The following ATRN variants were observed in gnomAD, a reference collection of about 807,000 sequenced individuals.
ATRN encodes attractin-2.
Under a neutral mutation model 178.7 loss-of-function variants are expected in ATRN, and 54 were observed. That is an observed-to-expected ratio of 0.30 (90% CI 0.24 to 0.38). The LOEUF is 0.38. Among genes scored for constraint, ATRN ranks in the 10% least tolerant of loss-of-function variants. ATRN has a pLI of 1.00. For synonymous variants in ATRN, 636 were observed against 663.0 expected (o/e 0.96, Z 0.63); for missense variants, 1,443 against 1,815.1 (o/e 0.79, Z 3.73).
In ATRN at chr20:3,560,897, A is replaced by G. The variant is rs746108163; in HGVS notation, c.1439A>G (p.Tyr480Cys). The G allele has an allele frequency of 1.2e-5, 20 of 1,613,722 alleles. No homozygotes were observed. Among genetic ancestry groups the G allele is most frequent in the Non-Finnish European group, 1.6e-5 (19 of 1,179,874 alleles). ...LYGYISNVQE[Y>C]DLDKNTWSIL... ...GGATATATAAGCAATGTGCAGGAATATGATTTGGGTAGGTATATTTTTTCC... is the reference window on the plus strand; with the variant it reads ...GGATATATAAGCAATGTGCAGGAATGTGATTTGGGTAGGTATATTTTTTCC... The change falls in exon 8 of 29, where the codon TAT becomes TGT. Residue 480 changes from tyrosine to cysteine, a missense_variant. By Grantham distance (194) the Tyr-to-Cys change is radical. Around this residue, in one of 4 missense-constraint regions of ATRN, gnomAD observed 862 missense variants for 972.1 expected, o/e 0.89. Transcript: ENST00000262919.
intron 6 of ATRN, among the ~76,000 whole-genome samples, chr20:3,554,582 C>T (rs1291425831): frequency 6.6e-6 from 1 of 152,030 alleles, no homozygotes; most frequent in African/African-American, 2.4e-5. Flanking sequence ...GATCTGCCCG[C>T]CTCGGCCTCC....
At chr20:3,481,611 G>T (rs980321005) in intron 1 of ATRN, among the ~76,000 whole-genome samples, 1 of 152,138 alleles carries the variant, frequency 6.6e-6, no homozygotes, top group African/African-American at 2.4e-5. Context: ...CTGCCAAAGT[G>T]CTGGGATTAC....
intron 2 of ATRN, among the ~76,000 whole-genome samples, chr20:3,539,402 A>T (rs2085586516): frequency 6.6e-6 from 1 of 152,204 alleles, no homozygotes; most frequent in African/African-American, 2.4e-5. Flanking sequence ...AAAATATGTG[A>T]TACTTAAGCA....
intron 24 of ATRN, among the ~76,000 whole-genome samples, chr20:3,611,068 A>G (rs999300244): frequency 2.0e-5 from 3 of 152,212 alleles, no homozygotes; most frequent in Admixed American, 6.5e-5. Flanking sequence ...AATGTAAAAC[A>G]TAAAACTATA....
At position 3,519,006 on chromosome 20, in the gene ATRN, T is replaced by TATAA. The variant is rs770584938; in HGVS notation, c.411-16246_411-16245insTAAA. Reference sequence around the variant, plus strand: ...GTGCTTCAATAAACATCCTTATATATAAAAAAAAAAAAAAGAAAGAAAACT... The same window carrying TATAA: ...GTGCTTCAATAAACATCCTTATATATATAAAAAAAAAAAAAAAAGAAAGAAAACT... On this transcript the variant is annotated intron_variant, in intron 1 of 28. Coordinates refer to ENST00000262919, the MANE Select transcript of ATRN (RefSeq NM_139321.3). Among the ~76,000 whole-genome samples, 415 of 119,484 alleles carry TATAA rather than the reference T, an allele frequency of 3.5e-3. 9 individuals carry two copies. The highest frequency in any genetic ancestry group is 0.013 in the African/African-American group (381 of 29,742). 78.4% of individuals were successfully genotyped at this position (119,484 alleles called of 152,430 possible).
intron 8 of ATRN, 140 bp downstream of exon 8, chr20:3,561,045 G>A (rs1267822088): frequency 2.6e-6 from 3 of 1,150,518 alleles, no homozygotes; most frequent in East Asian, 2.4e-5. Context: ...CTGGGCCCAG[G>A]CGTGGTGGCC....
At chr20:3,540,413 G>T in intron 3 of ATRN, 78 bp downstream of exon 3, 2 of 891,874 alleles carry the variant, frequency 2.2e-6, no homozygotes, top group South Asian at 1.6e-5. Context: ...CATTCTTACT[G>T]GGTTCACCTT....
chr20:3,545,454 A>G (rs780586054), intron 3 of ATRN, among the ~76,000 whole-genome samples: 3 of 151,820 alleles, frequency 2.0e-5, no homozygotes, highest in Non-Finnish European at 4.4e-5. Context: ...ACTTTATGTG[A>G]TTGTGGAGGT....
chr20:3,509,522 G>A (rs1220462603), intron 1 of ATRN, among the ~76,000 whole-genome samples: 1 of 146,198 alleles, frequency 6.8e-6, no homozygotes, highest in Non-Finnish European at 1.5e-5. Context: ...TTGGAGACAG[G>A]AGTCTTGCTC....
intron 28 of ATRN, among the ~76,000 whole-genome samples, chr20:3,646,298 G>A (rs968205738): frequency 6.6e-6 from 1 of 152,142 alleles, no homozygotes; most frequent in Non-Finnish European, 1.5e-5. Context: ...CTGTTTCTCG[G>A]CTCCTTTTGG....
chr20:3,577,072 A>C, intron 14 of ATRN, 75 bp downstream of exon 14: 1 of 1,548,618 alleles, frequency 6.5e-7, no homozygotes, highest in Non-Finnish European at 8.7e-7. Flanking sequence ...TGTGCAGCCT[A>C]AGTTGAACCT....
At chr20:3,507,669 A>G (rs530159821) in intron 1 of ATRN, among the ~76,000 whole-genome samples, 2 of 151,976 alleles carry the variant, frequency 1.3e-5, no homozygotes, top group East Asian at 3.9e-4. Context: ...CATTTTTGCT[A>G]ACAACCAAAG....
chr20:3,617,976 G>T (rs896588126), intron 24 of ATRN, among the ~76,000 whole-genome samples: 2 of 152,168 alleles, frequency 1.3e-5, no homozygotes, highest in African/African-American at 2.4e-5. Context: ...CAAGCCTCCT[G>T]CCTTCACCCC....
intron 25 of ATRN, among the ~76,000 whole-genome samples, chr20:3,626,238 A>G (rs1568772275): frequency 6.6e-6 from 1 of 151,820 alleles, no homozygotes; most frequent in Non-Finnish European, 1.5e-5. Flanking sequence ...TCTCAAAAAA[A>G]AAAAAAAAAA....
intron 1 of ATRN, among the ~76,000 whole-genome samples, chr20:3,507,370 C>T (rs2085060303): frequency 6.7e-6 from 1 of 149,644 alleles, no homozygotes; most frequent in South Asian, 2.1e-4. Context: ...GATCGCGCCA[C>T]TGCACTCCAG....
intron 5 of ATRN, among the ~76,000 whole-genome samples, chr20:3,548,667 G>A (rs1412860278): frequency 6.6e-6 from 1 of 151,330 alleles, no homozygotes; most frequent in East Asian, 1.9e-4. Context: ...CATTTACATA[G>A]CATTTACATT....
chr20:3,556,315 C>CT (rs35947127), intron 6 of ATRN, among the ~76,000 whole-genome samples: 2 of 152,190 alleles, frequency 1.3e-5, no homozygotes, highest in Non-Finnish European at 2.9e-5. Context: ...AGTTATTGAG[C>CT]TTTTTGTGCT....
In ATRN at chr20:3,471,475, G is replaced by A; in HGVS notation, c.368G>A (p.Gly123Asp). 2 of 1,410,788 alleles carry A rather than the reference G, an allele frequency of 1.4e-6. No homozygotes were observed. Among genetic ancestry groups the A allele is most frequent in the South Asian group, 1.6e-5 (1 of 63,812 alleles). 87.4% of individuals were successfully genotyped at this position (1,410,788 alleles called of 1,614,324 possible). Reference protein sequence around the residue: ...PGTGQCVCPAGWVGEQCQHCG... With the variant: ...PGTGQCVCPADWVGEQCQHCG... Reference sequence around the variant, plus strand: ...ACCGGCCAGTGCGTCTGCCCCGCCGGCTGGGTGGGCGAGCAATGCCAGCAC... The same window carrying A: ...ACCGGCCAGTGCGTCTGCCCCGCCGACTGGGTGGGCGAGCAATGCCAGCAC... The change falls in exon 1 of 29, where the codon GGC becomes GAC. Residue 123 changes from glycine to aspartate, a missense_variant. Gly to Asp is a moderately conservative substitution (Grantham distance 94, BLOSUM62 -1). Transcript: ENST00000262919.
chr20:3,546,721 G>C (rs567652947), intron 4 of ATRN, among the ~76,000 whole-genome samples: 32 of 152,110 alleles, frequency 2.1e-4, no homozygotes, highest in Non-Finnish European at 3.5e-4. Context: ...AGTTAAACTA[G>C]CCTGCCTTCT....
Sources: gnomAD v4.1 joint callset for allele counts (sites outside exome capture counted in the v4.1 genomes callset) on GRCh38, gnomAD v4.1.1 for gene constraint, gnomAD v4.1.1 regional missense constraint, MANE v1.5 for transcripts, NCBI Gene and HGNC (gene_info 2026-07-23, HGNC 2026-07-21) for gene names.